The following LAMA2 variants were observed in gnomAD, a reference collection of about 807,000 sequenced individuals.
The protein encoded by LAMA2 is laminin subunit alpha-2.
In LAMA2, 269 loss-of-function variants were observed where a neutral mutation model predicts 364.8. The observed-to-expected ratio is 0.74, with a 90% CI of 0.67 to 0.82. LAMA2 has a LOEUF of 0.82. Among genes scored for constraint, LAMA2 ranks in the 40% least tolerant of loss-of-function variants. LAMA2 has a pLI of 0.00. For missense variants in LAMA2, 3,807 were observed against 3,873.2 expected (o/e 0.98, Z 0.45); for synonymous variants, 1,379 against 1,370.6 (o/e 1.01, Z -0.14).
chr6:129,380,727 A>G (rs557619242), intron 34 of LAMA2, among the ~76,000 whole-genome samples: 6 of 152,328 alleles, frequency 3.9e-5, no homozygotes, highest in Middle Eastern at 3.4e-3. Context: ...CATATTTAAT[A>G]TACTAAAACT....
At chr6:129,030,137 C>G (rs1786119984) in intron 1 of LAMA2, among the ~76,000 whole-genome samples, 1 of 152,088 alleles carries the variant, frequency 6.6e-6, no homozygotes, top group Non-Finnish European at 1.5e-5. Context: ...TTTACTTTAG[C>G]TCACCCTCTG....
intron 1 of LAMA2, among the ~76,000 whole-genome samples, chr6:128,953,709 A>G (rs2114574858): frequency 6.6e-6 from 1 of 152,002 alleles, no homozygotes; most frequent in African/African-American, 2.4e-5. Flanking sequence ...TTATCAATAT[A>G]TTATAATAAA....
intron 4 of LAMA2, among the ~76,000 whole-genome samples, chr6:129,101,841 C>T (rs1043008357): frequency 6.6e-6 from 1 of 152,142 alleles, no homozygotes; most frequent in African/African-American, 2.4e-5. Context: ...CAGTCATTAC[C>T]TCTCTAAATA....
chr6:129,252,838 G>A, intron 14 of LAMA2, among the ~76,000 whole-genome samples: 1 of 152,174 alleles, frequency 6.6e-6, no homozygotes, highest in East Asian at 1.9e-4. Context: ...GAGCCAAACT[G>A]AATAGAAATT....
intron 3 of LAMA2, among the ~76,000 whole-genome samples, chr6:129,088,565 TG>T (rs1370334335): frequency 7.0e-6 from 1 of 142,818 alleles, no homozygotes; most frequent in East Asian, 2.2e-4. Context: ...GCTGGCAGGG[TG>T]GGGGCTGCCC....
intron 9 of LAMA2, among the ~76,000 whole-genome samples, chr6:129,167,572 T>C (rs960579597): frequency 4.6e-5 from 7 of 152,118 alleles, no homozygotes; most frequent in African/African-American, 1.7e-4. Context: ...TGTTGGACAT[T>C]TGGGTTGGTT....
chr6:128,923,118 A>G (rs1191018379), intron 1 of LAMA2, among the ~76,000 whole-genome samples: 1 of 140,736 alleles, frequency 7.1e-6, no homozygotes, highest in African/African-American at 2.7e-5. Flanking sequence ...GTAGCCTTGT[A>G]GTATAGTTTG....
intron 3 of LAMA2, among the ~76,000 whole-genome samples, chr6:129,077,794 T>C (rs529288810): frequency 6.6e-6 from 1 of 152,326 alleles, no homozygotes; most frequent in African/African-American, 2.4e-5. Context: ...GTTGTTCTCA[T>C]CCACATCATT....
chr6:129,381,401 G>T (rs140444745), intron 34 of LAMA2, among the ~76,000 whole-genome samples: 2 of 152,076 alleles, frequency 1.3e-5, no homozygotes, highest in Non-Finnish European at 2.9e-5. Context: ...GAGTGCAGTG[G>T]CGTGATCTCG....
At chr6:129,340,989 T>C (rs955455761) in intron 29 of LAMA2, among the ~76,000 whole-genome samples, 6 of 152,124 alleles carry the variant, frequency 3.9e-5, no homozygotes, top group Admixed American at 1.3e-4. Context: ...AAAAAATAAA[T>C]GATCTAAAAT....
Position 129,369,888 on chromosome 6 carries a change from T to C in LAMA2, c.4861-4T>C, listed in dbSNP as rs771883932. 6.2e-7 allele frequency: 1 copy of C among 1,613,582 alleles called. No homozygotes were observed. Among genetic ancestry groups the C allele is most frequent in the Non-Finnish European group, 8.5e-7 (1 of 1,179,520 alleles). ...AAATGTTTATGGGATGGAATCTTTT[T>C]CAGCACTTGCTGTCACCTCAGCGGG... On this transcript the variant is annotated splice_region_variant and splice_polypyrimidine_tract_variant and intron_variant, in intron 33 of 64. Coordinates refer to ENST00000421865, the MANE Select transcript of LAMA2 (RefSeq NM_000426.4).
At chr6:129,399,689 C>G (rs1381550780) in intron 37 of LAMA2, among the ~76,000 whole-genome samples, 2 of 151,932 alleles carry the variant, frequency 1.3e-5, no homozygotes, top group African/African-American at 2.4e-5. Flanking sequence ...GGACACAAGC[C>G]AAAGAGTAGG....
At chr6:129,129,909 G>A (rs1488072016) in intron 4 of LAMA2, among the ~76,000 whole-genome samples, 2 of 137,226 alleles carry the variant, frequency 1.5e-5, no homozygotes, top group Non-Finnish European at 3.1e-5. Flanking sequence ...GGGCGACAGA[G>A]CGAGATTCCG....
intron 22 of LAMA2, among the ~76,000 whole-genome samples, chr6:129,305,538 T>C: frequency 6.6e-6 from 1 of 152,108 alleles, no homozygotes; most frequent in East Asian, 1.9e-4. Flanking sequence ...TTGCCCATGC[T>C]TGTCTCAAAG....
chr6:129,136,625 A>G (rs1475113987), intron 4 of LAMA2, among the ~76,000 whole-genome samples: 3 of 152,088 alleles, frequency 2.0e-5, no homozygotes, highest in African/African-American at 4.8e-5. Context: ...AAGAAAAATA[A>G]AAATATAAAA....
At chr6:128,983,934 C>T (rs551607996) in intron 1 of LAMA2, among the ~76,000 whole-genome samples, 2 of 152,264 alleles carry the variant, frequency 1.3e-5, no homozygotes, top group East Asian at 3.9e-4. Context: ...ATGTTATGCA[C>T]ATAAACCAAA....
chr6:128,952,026 G>T (rs987962243), intron 1 of LAMA2, among the ~76,000 whole-genome samples: 1 of 151,926 alleles, frequency 6.6e-6, no homozygotes, highest in Admixed American at 6.6e-5. Context: ...AATTAGGCAG[G>T]CATAGTGGCA....
chr6:128,883,801 T>TACACACACAC (rs71543146), intron 1 of LAMA2, among the ~76,000 whole-genome samples: 5 of 135,984 alleles, frequency 3.7e-5, no homozygotes, highest in South Asian at 4.5e-4. Context: ...TATATATATA[T>TACACACACAC]ACACACACAC....
At chr6:129,269,174 A>G (rs1787742171) in intron 16 of LAMA2, among the ~76,000 whole-genome samples, 1 of 151,902 alleles carries the variant, frequency 6.6e-6, no homozygotes. Flanking sequence ...GTGTAGGTCT[A>G]TATTTAAAAG....
Sources: gnomAD v4.1 joint callset for allele counts (sites outside exome capture counted in the v4.1 genomes callset) on GRCh38, gnomAD v4.1.1 for gene constraint, MANE v1.5 for transcripts, NCBI Gene and HGNC (gene_info 2026-07-23, HGNC 2026-07-21) for gene names.